C1orf105: variants seen among roughly 807,000 people sequenced by gnomAD.
C1orf105 encodes chromosome 1 open reading frame 105, also known as uncharacterized protein C1orf105.
Under a neutral mutation model 20.8 loss-of-function variants are expected in C1orf105, and 17 were observed. The ratio of observed to expected loss-of-function variants is 0.82; its 90% CI spans 0.56 to 1.23. C1orf105 has a LOEUF of 1.23. Among genes scored for constraint, C1orf105 ranks in the 50% most tolerant of loss-of-function variants. C1orf105 has a pLI of 0.00. For synonymous variants in C1orf105, 72 were observed against 72.1 expected, an observed-to-expected ratio of 1.00 and a Z score of 0.01; for missense variants, 219 against 213.5, an observed-to-expected ratio of 1.03 and a Z score of -0.16.
intron 2 of C1orf105, among the ~76,000 whole-genome samples, chr1:172,446,298 G>T (rs961110361): frequency 6.6e-6 from 1 of 152,188 alleles, no homozygotes; most frequent in Non-Finnish European, 1.5e-5. Flanking sequence ...TGTTAACACT[G>T]CATGGATCAG....
At chr1:172,465,774 G>C (rs913267941) in intron 6 of C1orf105, 31 of 423,528 alleles carry the variant, frequency 7.3e-5, no homozygotes, top group Non-Finnish European at 4.2e-5. Context: ...CACTCCACCA[G>C]CTCCCTAAAA....
At chr1:172,460,214 A>C (rs1317668856) in intron 4 of C1orf105, among the ~76,000 whole-genome samples, 1 of 152,238 alleles carries the variant, frequency 6.6e-6, no homozygotes, top group Non-Finnish European at 1.5e-5. Flanking sequence ...AAACACCGAT[A>C]AAAAGAAATT....
intron 1 of C1orf105, among the ~76,000 whole-genome samples, chr1:172,426,165 T>A (rs2071716547): frequency 6.6e-6 from 1 of 152,138 alleles, no homozygotes; most frequent in Admixed American, 6.6e-5. Context: ...ACAATCTTAC[T>A]CTAACAAACC....
At chr1:172,463,021 CCCG>C (rs1649805774) in intron 5 of C1orf105, among the ~76,000 whole-genome samples, 1 of 152,176 alleles carries the variant, frequency 6.6e-6, no homozygotes, top group Non-Finnish European at 1.5e-5. Context: ...TGGTGATCTG[CCCG>C]CCTCGGCCTC....
At chr1:172,454,487 C>G (rs1000559341) in intron 3 of C1orf105, among the ~76,000 whole-genome samples, 8 of 152,084 alleles carry the variant, frequency 5.3e-5, no homozygotes, top group African/African-American at 1.9e-4. Context: ...TGAATCAGCC[C>G]AAAGCAGAGG....
chr1:172,456,269 G>A, intron 3 of C1orf105, 146 bp from the exon 4 acceptor site: 1 of 704,732 alleles, frequency 1.4e-6, no homozygotes, highest in East Asian at 2.5e-5. Context: ...CACCCACCCT[G>A]GATGGGGCTG....
rs376171564 is a variant in C1orf105 at position 172,460,279 on chromosome 1, TG to T, written c.274-1897del. Reference sequence around the variant, plus strand: ...ATCTCAAAAAAATGTAAATAGGACCTGGTTATGTAACTACTCATATTCCTAT... The same window carrying T: ...ATCTCAAAAAAATGTAAATAGGACCTGTTATGTAACTACTCATATTCCTAT... On this transcript the variant is annotated intron_variant, in intron 4 of 6. Coordinates refer to ENST00000367727, the MANE Select transcript of C1orf105 (RefSeq NM_139240.4). Among the ~76,000 whole-genome samples the T allele has an allele frequency of 6.5e-3, 988 of 152,344 alleles. 8 individuals carry two copies. The highest frequency in any genetic ancestry group is 0.023 in the African/African-American group (938 of 41,562).
At chr1:172,454,174 C>T (rs1386190867) in intron 3 of C1orf105, among the ~76,000 whole-genome samples, 3 of 152,120 alleles carry the variant, frequency 2.0e-5, no homozygotes, top group Admixed American at 1.3e-4. Flanking sequence ...TAAAAACAAA[C>T]CTGCCCAAGA....
chr1:172,449,341 G>T (rs1336214324), intron 3 of C1orf105, among the ~76,000 whole-genome samples: 1 of 152,140 alleles, frequency 6.6e-6, no homozygotes, highest in African/African-American at 2.4e-5. Context: ...CAGAAACAGG[G>T]CACAGCACTT....
At chr1:172,463,593 C>T (rs1409853897) in intron 5 of C1orf105, among the ~76,000 whole-genome samples, 1 of 152,152 alleles carries the variant, frequency 6.6e-6, no homozygotes, top group Non-Finnish European at 1.5e-5. Flanking sequence ...AGTAAATATT[C>T]ATTATGAACT....
chr1:172,431,881 T>C (rs1392601156), intron 1 of C1orf105, among the ~76,000 whole-genome samples: 3 of 152,248 alleles, frequency 2.0e-5, no homozygotes, highest in Non-Finnish European at 1.5e-5. Flanking sequence ...AGGACACTCC[T>C]GCCCCAAACA....
chr1:172,443,946 A>C, intron 1 of C1orf105: 1 of 997,394 alleles, frequency 1.0e-6, no homozygotes, highest in South Asian at 4.7e-5. Context: ...GCAGAGGAAA[A>C]GGAGCCCCGG....
intron 1 of C1orf105, among the ~76,000 whole-genome samples, chr1:172,421,273 G>A (rs1001324688): frequency 4.6e-5 from 7 of 152,064 alleles, no homozygotes; most frequent in African/African-American, 1.7e-4. Context: ...AACTGTGAAT[G>A]CACTTTAAAA....
intron 3 of C1orf105, chr1:172,452,650 C>T (rs866085934): frequency 2.7e-5 from 11 of 409,752 alleles, no homozygotes; most frequent in Middle Eastern, 1.3e-3. Context: ...CCTTAGACAC[C>T]GCAGCAGATA....
chr1:172,450,697 C>A (rs1186891151), intron 3 of C1orf105, among the ~76,000 whole-genome samples: 1 of 152,176 alleles, frequency 6.6e-6, no homozygotes. Context: ...GAACTTTAAA[C>A]ACCCACTTAC....
chr1:172,466,967 G>A (rs534224899), intron 6 of C1orf105, among the ~76,000 whole-genome samples: 13 of 152,198 alleles, frequency 8.5e-5, no homozygotes, highest in African/African-American at 2.9e-4. Flanking sequence ...TCATGAAAAC[G>A]GCACTAGGCT....
chr1:172,433,670 C>T (rs145934031), intron 1 of C1orf105, among the ~76,000 whole-genome samples: 2,214 of 152,268 alleles, frequency 0.015, 61 homozygotes, highest in African/African-American at 0.049. Context: ...TAAAGACTAT[C>T]GATGCTAGGA....
At chr1:172,465,473 C>CT in intron 6 of C1orf105, 110 bp downstream of exon 6, 4 of 816,730 alleles carry the variant, frequency 4.9e-6, no homozygotes, top group Non-Finnish European at 8.4e-6. Flanking sequence ...CAAATCCTCA[C>CT]TTTCTATCCC....
At chr1:172,432,164 A>G (rs1044415858) in intron 1 of C1orf105, among the ~76,000 whole-genome samples, 6 of 152,242 alleles carry the variant, frequency 3.9e-5, no homozygotes, top group Non-Finnish European at 8.8e-5. Flanking sequence ...TAGGCAGGAC[A>G]TAGCTGAACA....
Sources: gnomAD v4.1 joint callset for allele counts (sites outside exome capture counted in the v4.1 genomes callset) on GRCh38, gnomAD v4.1.1 for gene constraint, MANE v1.5 for transcripts, NCBI Gene and HGNC (gene_info 2026-07-23, HGNC 2026-07-21) for gene names.